Variants in OPHN1 observed in about 807,000 individuals in gnomAD.
OPHN1 encodes oligophrenin-1.
Under a neutral mutation model 60.7 loss-of-function variants are expected in OPHN1, and 11 were observed. That is an observed-to-expected ratio of 0.18 (90% CI 0.11 to 0.30). The LOEUF (loss-of-function observed/expected upper bound fraction) is 0.30. OPHN1 is among the 10% of genes least tolerant of loss of function. The pLI, the probability that OPHN1 is intolerant of heterozygous loss-of-function variation, is 1.00. For synonymous variants in OPHN1, 226 were observed against 222.6 expected (o/e 1.02, Z -0.14); for missense variants, 449 against 611.0 (o/e 0.73, Z 2.80).
intron 2 of OPHN1, among the ~76,000 whole-genome samples, chrX:68,330,389 G>A (rs966867730): frequency 9.0e-6 from 1 of 110,868 alleles, no homozygotes; most frequent in Non-Finnish European, 1.9e-5. Flanking sequence ...TGAGCACAGC[G>A]CTCGGCCAGT....
chrX:68,248,497 T>C (rs148741590), intron 5 of OPHN1, among the ~76,000 whole-genome samples: 3,240 of 111,547 alleles, frequency 0.029, 117 homozygotes, highest in African/African-American at 0.1. Context: ...TTGGTGGGCA[T>C]GTAAATTAGT....
chrX:68,201,368 A>G (rs1306143952), intron 11 of OPHN1, among the ~76,000 whole-genome samples: 1 of 111,790 alleles, frequency 8.9e-6, no homozygotes, highest in Non-Finnish European at 1.9e-5. Flanking sequence ...CCCAGGAGAG[A>G]CTTTTTCTTC....
intron 19 of OPHN1, among the ~76,000 whole-genome samples, chrX:68,077,987 A>C (rs1429291014): frequency 8.9e-6 from 1 of 111,774 alleles, no homozygotes; most frequent in Non-Finnish European, 1.9e-5. Flanking sequence ...TCAGTTGTCT[A>C]ATTTGCCAAA....
chrX:68,094,321 T>C (rs1022358270), intron 19 of OPHN1, among the ~76,000 whole-genome samples: 1 of 111,820 alleles, frequency 8.9e-6, no homozygotes, highest in East Asian at 2.8e-4. Context: ...CTGTCTTGAC[T>C]ACTGAAGCAA....
Position 68,112,811 on chromosome X carries a change from A to G in OPHN1, c.1420+370T>C, listed in dbSNP as rs576155589. Reference sequence around the variant, plus strand: ...GTCGAAAAGCATTTGAACAGGCAAAATGCTGAAGGAAGTTGAAACGGCAAC... The same window carrying G: ...GTCGAAAAGCATTTGAACAGGCAAAGTGCTGAAGGAAGTTGAAACGGCAAC... On this transcript the variant is annotated intron_variant, in intron 17 of 24. Coordinates refer to ENST00000355520, the MANE Select transcript of OPHN1 (RefSeq NM_002547.3). Among the ~76,000 whole-genome samples, 5 of 112,404 alleles carry G rather than the reference A, an allele frequency of 4.4e-5. No individual in the cohort carries two copies. In the South Asian group the frequency reaches 1.8e-3, roughly 41 times the overall value.
rs758394112 is a variant in OPHN1, at chrX:68,048,744, G to A, written c.2376-287C>T. Among the ~76,000 whole-genome samples, 12 of 112,113 alleles carry A rather than the reference G, an allele frequency of 1.1e-4. No individual in the cohort carries two copies. The East Asian group carries it at 1.4e-3, about 13-fold the overall frequency. On this transcript the variant is annotated intron_variant, in intron 23 of 24. Transcript: ENST00000355520. Reference sequence around the variant, plus strand: ...CCCAGGGAAGCTGGCTGCAGACCACGAACTACATTCTGTGATGATCTCTAA... The same window carrying A: ...CCCAGGGAAGCTGGCTGCAGACCACAAACTACATTCTGTGATGATCTCTAA...
At chrX:68,085,875 C>A (rs1010168105) in intron 19 of OPHN1, among the ~76,000 whole-genome samples, 3 of 111,597 alleles carry the variant, frequency 2.7e-5, no homozygotes, top group Non-Finnish European at 5.7e-5. Flanking sequence ...AACAACCTAC[C>A]CTTTTACAAT....
chrX:68,362,322 A>C (rs1400452681), intron 2 of OPHN1, among the ~76,000 whole-genome samples: 1 of 111,565 alleles, frequency 9.0e-6, no homozygotes, highest in African/African-American at 3.3e-5. Flanking sequence ...TAAAAAGTCT[A>C]ACTCATAAAA....
chrX:68,051,973 A>G (rs2076853558), intron 23 of OPHN1, among the ~76,000 whole-genome samples: 1 of 112,435 alleles, frequency 8.9e-6, no homozygotes, highest in South Asian at 3.7e-4. Flanking sequence ...AGAAACACAG[A>G]CAGACAGAAA....
intron 2 of OPHN1, among the ~76,000 whole-genome samples, chrX:68,388,941 C>T (rs2078638379): frequency 9.2e-6 from 1 of 108,279 alleles, no homozygotes; most frequent in Non-Finnish European, 1.9e-5. Context: ...TAGATACAGA[C>T]AATGGAATAC....
chrX:68,109,092 C>T (rs2077093550), intron 18 of OPHN1, among the ~76,000 whole-genome samples: 1 of 110,898 alleles, frequency 9.0e-6, no homozygotes. Context: ...GTGCAACTGT[C>T]ACCCCTTATA....
chrX:68,352,890 C>T (rs948540365), intron 2 of OPHN1, among the ~76,000 whole-genome samples: 13 of 111,951 alleles, frequency 1.2e-4, no homozygotes, highest in East Asian at 8.4e-4. Flanking sequence ...CAGTGGCTTA[C>T]GCCTGTAATC....
intron 15 of OPHN1, among the ~76,000 whole-genome samples, chrX:68,121,191 C>T: frequency 8.9e-6 from 1 of 112,156 alleles, no homozygotes. Context: ...ACAATTAACA[C>T]AGTGAGGGGA....
chrX:68,122,104 T>C (rs904585843), intron 15 of OPHN1, among the ~76,000 whole-genome samples: 1 of 111,000 alleles, frequency 9.0e-6, no homozygotes, highest in African/African-American at 3.3e-5. Context: ...GTGGTAGCTG[T>C]GGGGAGAGAC....
intron 15 of OPHN1, among the ~76,000 whole-genome samples, chrX:68,186,769 A>T (rs2077464478): frequency 9.0e-6 from 1 of 111,588 alleles, no homozygotes; most frequent in Admixed American, 9.6e-5. Flanking sequence ...TCCAGGTTAC[A>T]TCTTCATATG....
chrX:68,298,894 C>T, intron 3 of OPHN1, 107 bp downstream of exon 3: 1 of 489,583 alleles, frequency 2.0e-6, no homozygotes, highest in East Asian at 4.7e-5. Context: ...GGCATTGGAC[C>T]ACAGTGGATG....
chrX:68,218,788 A>G lies in OPHN1; in HGVS notation c.487-4816T>C, dbSNP rs1165545736. Among the ~76,000 whole-genome samples the G allele has an allele frequency of 5.8e-3, 536 of 92,348 alleles. 5 individuals carry two copies. The highest frequency in any genetic ancestry group is 0.02 in the African/African-American group (517 of 25,811). 80.2% of individuals were successfully genotyped at this position (92,348 alleles called of 115,157 possible). On this transcript the variant is annotated intron_variant, in intron 6 of 24. Transcript: ENST00000355520. ...AGAGCTCCTGAAGGAAGCACTAAAC[A>G]TGGAAAGGAACAACCGGTACCAGCC...
intron 5 of OPHN1, among the ~76,000 whole-genome samples, chrX:68,250,090 C>T (rs894457638): frequency 8.9e-6 from 1 of 112,115 alleles, no homozygotes; most frequent in Non-Finnish European, 1.9e-5. Context: ...GGGTCACTGG[C>T]TCTTAATCTC....
chrX:68,049,768 T>C (rs1034631123), intron 23 of OPHN1, among the ~76,000 whole-genome samples: 2 of 112,040 alleles, frequency 1.8e-5, no homozygotes, highest in Admixed American at 1.9e-4. Context: ...AATCCATCTT[T>C]CTGGTCTCAC....
Sources: allele counts gnomAD v4.1 joint callset (sites outside exome capture counted in the v4.1 genomes callset), GRCh38; gene constraint gnomAD v4.1.1; transcripts MANE v1.5; gene names NCBI Gene and HGNC (gene_info 2026-07-23, HGNC 2026-07-21).